FRMD4A: variants seen among roughly 807,000 people sequenced by gnomAD.
The protein encoded by FRMD4A is FERM domain containing 4A.
In FRMD4A, 29 loss-of-function variants were observed where a neutral mutation model predicts 129.1. The observed-to-expected ratio is 0.22, with a 90% CI of 0.17 to 0.31. FRMD4A has a LOEUF of 0.31. FRMD4A is among the 10% of genes least tolerant of loss of function. The probability of loss-of-function intolerance (pLI) is 1.00; values close to 1 mark genes in which losing one functional copy is unlikely to be tolerated. For synonymous variants in FRMD4A, 634 were observed against 571.6 expected (o/e 1.11, Z -1.56); for missense variants, 1,272 against 1,375.8 (o/e 0.92, Z 1.19).
At chr10:14,240,358 T>A (rs989882734) in intron 2 of FRMD4A, among the ~76,000 whole-genome samples, 1 of 152,218 alleles carries the variant, frequency 6.6e-6, no homozygotes, top group African/African-American at 2.4e-5. Context: ...ATTTCTATCA[T>A]GTGGCATTCT....
chr10:13,928,773 T>C, intron 2 of FRMD4A, among the ~76,000 whole-genome samples: 1 of 152,194 alleles, frequency 6.6e-6, no homozygotes, highest in East Asian at 1.9e-4. Flanking sequence ...TGCTAGGGGC[T>C]GGCTGGGCCA....
At chr10:13,691,339 G>A (rs1432463856) in intron 15 of FRMD4A, among the ~76,000 whole-genome samples, 1 of 152,168 alleles carries the variant, frequency 6.6e-6, no homozygotes, top group African/African-American at 2.4e-5. Context: ...GGAGGTTTGG[G>A]GCTCCTGTTC....
intron 2 of FRMD4A, among the ~76,000 whole-genome samples, chr10:13,930,523 T>C (rs531989534): frequency 6.6e-6 from 1 of 152,278 alleles, no homozygotes; most frequent in South Asian, 2.1e-4. Context: ...AGGGATTGTT[T>C]TTGAATGAGA....
chr10:13,891,832 C>T (rs2094701439), intron 2 of FRMD4A: 2 of 765,114 alleles, frequency 2.6e-6, no homozygotes, highest in African/African-American at 1.9e-5. Context: ...GCGCCTCTCG[C>T]GCCGAGCCTG....
At chr10:14,106,998 A>G (rs1403669036) in intron 2 of FRMD4A, among the ~76,000 whole-genome samples, 1 of 152,244 alleles carries the variant, frequency 6.6e-6, no homozygotes, top group African/African-American at 2.4e-5. Flanking sequence ...GTACATATAC[A>G]CTATGGAATA....
chr10:13,955,163 A>G (rs2095402772), intron 2 of FRMD4A, among the ~76,000 whole-genome samples: 1 of 129,588 alleles, frequency 7.7e-6, no homozygotes, highest in Non-Finnish European at 1.5e-5. Context: ...GCTGGAGTGC[A>G]GTGGCTCAAT....
intron 2 of FRMD4A, among the ~76,000 whole-genome samples, chr10:14,012,536 C>T (rs1317249273): frequency 6.6e-6 from 1 of 152,050 alleles, no homozygotes; most frequent in Non-Finnish European, 1.5e-5. Flanking sequence ...GGAGAGAGAA[C>T]ATTTTGCAGT....
At chr10:13,902,484 A>AGAGAGAGAGAGAGAGAGT (rs2094831946) in intron 2 of FRMD4A, among the ~76,000 whole-genome samples, 1 of 151,626 alleles carries the variant, frequency 6.6e-6, no homozygotes, top group African/African-American at 2.4e-5. Context: ...AGAGAGAGAG[A>AGAGAGAGAGAGAGAGAGT]GAGAGAGTGA....
At chr10:13,848,609 C>CGT (rs59271113) in intron 3 of FRMD4A, among the ~76,000 whole-genome samples, 8,174 of 124,004 alleles carry the variant, frequency 0.066, 256 homozygotes, top group African/African-American at 0.089. Flanking sequence ...TGTGTGTGTA[C>CGT]GTGTGTGTGT....
intron 8 of FRMD4A, among the ~76,000 whole-genome samples, chr10:13,759,771 C>G (rs926252387): frequency 6.6e-6 from 1 of 152,136 alleles, no homozygotes; most frequent in African/African-American, 2.4e-5. Context: ...TGGCCACCTA[C>G]AAAGTTCAAG....
chr10:14,312,699 TA>T lies in FRMD4A; in HGVS notation c.45+17358del, dbSNP rs200047862. ...CATGAGGTAGCAAAACTCCATTCTA[TA>T]AAAAAAATACAAAAAATTAGCCAGG... On this transcript the variant is annotated intron_variant, in intron 2 of 24. Transcript: ENST00000357447. 1.9e-3 allele frequency among the ~76,000 whole-genome samples: 291 copies of T among 151,904 alleles called. 10 individuals are homozygous for T. In the East Asian group the frequency reaches 0.033, roughly 17 times the overall value.
intron 14 of FRMD4A, 45 bp downstream of exon 14, chr10:13,701,295 G>A: frequency 6.3e-7 from 1 of 1,582,456 alleles, no homozygotes; most frequent in Non-Finnish European, 8.6e-7. Context: ...TAAACTAAGA[G>A]AGGCAGACAA....
At chr10:13,972,028 A>C (rs1230540758) in intron 2 of FRMD4A, 19 of 1,167,758 alleles carry the variant, frequency 1.6e-5, no homozygotes, top group Non-Finnish European at 1.9e-5. Flanking sequence ...AAGGCTCTTA[A>C]CTCCCTCCCA....
intron 11 of FRMD4A, among the ~76,000 whole-genome samples, chr10:13,739,034 G>C (rs1279250724): frequency 1.3e-5 from 2 of 152,192 alleles, no homozygotes. Flanking sequence ...TTTATAGTGA[G>C]CATATCAAGC....
chr10:13,801,653 A>C (rs2094754424), intron 4 of FRMD4A, among the ~76,000 whole-genome samples: 1 of 152,232 alleles, frequency 6.6e-6, no homozygotes, highest in Non-Finnish European at 1.5e-5. Context: ...AGATGGATTA[A>C]AAAGCAAACT....
intron 2 of FRMD4A, among the ~76,000 whole-genome samples, chr10:14,269,541 A>T (rs73603220): frequency 0.013 from 2,042 of 152,110 alleles, 50 homozygotes; most frequent in African/African-American, 0.046. Flanking sequence ...TGGCGTTAAC[A>T]TCTCTCTGAC....
At chr10:14,010,531 C>T (rs183613405) in intron 2 of FRMD4A, among the ~76,000 whole-genome samples, 1 of 152,008 alleles carries the variant, frequency 6.6e-6, no homozygotes, top group East Asian at 1.9e-4. Flanking sequence ...CCCCAGTCCC[C>T]GCGGAGTAGG....
intron 6 of FRMD4A, among the ~76,000 whole-genome samples, chr10:13,777,427 T>C (rs2092622257): frequency 6.6e-6 from 1 of 152,166 alleles, no homozygotes; most frequent in Non-Finnish European, 1.5e-5. Context: ...TGCGACTTGG[T>C]CTCCTATATC....
chr10:13,854,951 A>T (rs910526396), intron 3 of FRMD4A, among the ~76,000 whole-genome samples: 2 of 152,200 alleles, frequency 1.3e-5, no homozygotes, highest in African/African-American at 4.8e-5. Context: ...TACCTGGTAA[A>T]GACGTGGGTG....
Sources: gnomAD v4.1 joint callset for allele counts (sites outside exome capture counted in the v4.1 genomes callset) on GRCh38, gnomAD v4.1.1 for gene constraint, MANE v1.5 for transcripts, NCBI Gene and HGNC (gene_info 2026-07-23, HGNC 2026-07-21) for gene names.